The following TMPRSS11D variants were observed in gnomAD, a reference collection of about 807,000 sequenced individuals.
TMPRSS11D encodes the protein transmembrane protease serine 11D.
A neutral mutation model predicts 44.4 loss-of-function variants in TMPRSS11D; 32 were observed. The ratio of observed to expected loss-of-function variants is 0.72; its 90% CI spans 0.54 to 0.97. The LOEUF is 0.97. Ranked by LOEUF, TMPRSS11D falls within the 50% of genes least tolerant of loss-of-function variation. The probability of loss-of-function intolerance (pLI) is 0.00; values close to 1 mark genes in which losing one functional copy is unlikely to be tolerated. For missense variants in TMPRSS11D, 446 were observed against 502.6 expected (o/e 0.89, Z 1.08); for synonymous variants, 179 against 177.9 (o/e 1.01, Z -0.05).
intron 5 of TMPRSS11D, among the ~76,000 whole-genome samples, chr4:67,837,598 C>T (rs1718123321): frequency 6.6e-6 from 1 of 152,008 alleles, no homozygotes; most frequent in East Asian, 1.9e-4. Flanking sequence ...AAATTCTATG[C>T]ATATATTATT....
intron 9 of TMPRSS11D, 91 bp downstream of exon 9, chr4:67,825,641 T>C: frequency 7.1e-7 from 1 of 1,402,798 alleles, no homozygotes; most frequent in Non-Finnish European, 9.6e-7. Flanking sequence ...GTATTGTAAC[T>C]GTTACACTTA....
intron 1 of TMPRSS11D, among the ~76,000 whole-genome samples, chr4:67,879,672 T>C (rs948136963): frequency 1.3e-5 from 2 of 152,116 alleles, no homozygotes; most frequent in Non-Finnish European, 2.9e-5. Context: ...CACTGAGATC[T>C]GACCACTGGA....
chr4:67,879,859 G>A lies in TMPRSS11D; in HGVS notation c.8+4067C>T, dbSNP rs377045979. ...CTTGCATGTTTGTACCATTGGACCC[G>A]TGTAAGACTATTCAGTGCTACATTA... On this transcript the variant is annotated intron_variant, in intron 1 of 9. Transcript: ENST00000283916. 4.6e-5 allele frequency among the ~76,000 whole-genome samples: 7 copies of A among 152,250 alleles called. No homozygotes were observed. The South Asian group carries it at 1.5e-3, about 32-fold the overall frequency.
At chr4:67,853,544 C>G (rs1718558461) in intron 3 of TMPRSS11D, among the ~76,000 whole-genome samples, 1 of 152,148 alleles carries the variant, frequency 6.6e-6, no homozygotes. Flanking sequence ...TAAGGGTCCA[C>G]TCGTGAGGTT....
intron 3 of TMPRSS11D, among the ~76,000 whole-genome samples, chr4:67,853,204 G>A (rs1718549690): frequency 6.6e-6 from 1 of 152,162 alleles, no homozygotes; most frequent in Admixed American, 6.5e-5. Context: ...AGAGATTTGT[G>A]TTCAGAAGTG....
chr4:67,873,597 A>C (rs761082046), intron 1 of TMPRSS11D, among the ~76,000 whole-genome samples: 39 of 152,170 alleles, frequency 2.6e-4, no homozygotes, highest in Non-Finnish European at 4.7e-4. Context: ...TATTGGGTGA[A>C]ATAAGTTGTT....
At chr4:67,857,018 C>A (rs1718654009) in intron 2 of TMPRSS11D, among the ~76,000 whole-genome samples, 1 of 151,950 alleles carries the variant, frequency 6.6e-6, no homozygotes, top group Admixed American at 6.6e-5. Flanking sequence ...GAAGAGAATT[C>A]TTATACACTG....
intron 7 of TMPRSS11D, 73 bp from the exon 8 acceptor site, chr4:67,827,593 C>T: frequency 7.0e-7 from 1 of 1,431,822 alleles, no homozygotes; most frequent in East Asian, 2.4e-5. Flanking sequence ...TTCATCTTAG[C>T]CATCCTGTAC....
intron 1 of TMPRSS11D, among the ~76,000 whole-genome samples, chr4:67,861,682 C>G (rs1328403590): frequency 6.6e-6 from 1 of 152,024 alleles, no homozygotes. Flanking sequence ...AACATTACAG[C>G]CAATTTTGCT....
At chr4:67,835,654 A>T (rs998262144) in intron 5 of TMPRSS11D, among the ~76,000 whole-genome samples, 3 of 152,190 alleles carry the variant, frequency 2.0e-5, no homozygotes, top group African/African-American at 7.2e-5. Context: ...AGTGCAAAGT[A>T]GAGAAAAGAA....
chr4:67,862,838 A>G (rs1034975102), intron 1 of TMPRSS11D, among the ~76,000 whole-genome samples: 2 of 151,938 alleles, frequency 1.3e-5, no homozygotes, highest in African/African-American at 2.4e-5. Flanking sequence ...GTTCTCGCTC[A>G]TAGGTGGGAA....
At position 67,838,192 on chromosome 4, in the gene TMPRSS11D, T is replaced by A. The variant is rs1402546850; in HGVS notation, c.455A>T (p.Asn152Ile). 7.6e-6 allele frequency: 12 copies of A among 1,574,470 alleles called. No homozygotes were observed. Among genetic ancestry groups the A allele is most frequent in the Non-Finnish European group, 9.5e-6 (11 of 1,163,494 alleles). The change falls in exon 5 of 10, where the codon AAC becomes ATC. Residue 152 changes from asparagine to isoleucine, a missense_variant. Asn to Ile is a moderately radical substitution (Grantham distance 149). Coordinates refer to ENST00000283916, the MANE Select transcript of TMPRSS11D (RefSeq NM_004262.3). ...CTTACATGTTATCTCAGTTGAAGGG[T>A]TTATTTCCAGGTTTCCAGAGTTATT... ...MLNNSGNLEI[N>I]PSTEITSLTD...
intron 3 of TMPRSS11D, among the ~76,000 whole-genome samples, chr4:67,849,869 T>C (rs1051882152): frequency 6.6e-5 from 10 of 152,204 alleles, no homozygotes; most frequent in African/African-American, 2.4e-4. Context: ...TATACCACTT[T>C]CCAGCTCAAT....
intron 1 of TMPRSS11D, among the ~76,000 whole-genome samples, chr4:67,868,644 A>C (rs1053251849): frequency 7.2e-5 from 11 of 152,202 alleles, no homozygotes; most frequent in Admixed American, 7.2e-4. Context: ...GATGGAAAAT[A>C]ATCTAGAAAA....
At chr4:67,833,974 G>A (rs1478062532) in intron 6 of TMPRSS11D, among the ~76,000 whole-genome samples, 2 of 152,138 alleles carry the variant, frequency 1.3e-5, no homozygotes, top group Admixed American at 1.3e-4. Context: ...TACCAAACAT[G>A]CCCTCATAAA....
At chr4:67,877,979 G>T (rs181923892) in intron 1 of TMPRSS11D, among the ~76,000 whole-genome samples, 229 of 152,214 alleles carry the variant, frequency 1.5e-3, no homozygotes, top group African/African-American at 5.1e-3. Flanking sequence ...TGCACATTCT[G>T]CACATGTACC....
At chr4:67,852,712 G>A (rs1224017743) in intron 3 of TMPRSS11D, among the ~76,000 whole-genome samples, 1 of 152,152 alleles carries the variant, frequency 6.6e-6, no homozygotes, top group Admixed American at 6.5e-5. Flanking sequence ...GAGACTCTTG[G>A]ACAGGAACCA....
chr4:67,827,608 A>T, intron 7 of TMPRSS11D, 88 bp from the exon 8 acceptor site: 3 of 1,363,278 alleles, frequency 2.2e-6, no homozygotes, highest in Non-Finnish European at 2.9e-6. Context: ...CTGTACCACT[A>T]TCTAGAAACT....
intron 1 of TMPRSS11D, among the ~76,000 whole-genome samples, chr4:67,860,886 TCA>T (rs1327748778): frequency 6.6e-6 from 1 of 152,134 alleles, no homozygotes; most frequent in African/African-American, 2.4e-5. Flanking sequence ...TCTACTCAAC[TCA>T]CAAGCCTATA....
Sources: gnomAD v4.1 joint callset for allele counts (sites outside exome capture counted in the v4.1 genomes callset) on GRCh38, gnomAD v4.1.1 for gene constraint, MANE v1.5 for transcripts, NCBI Gene and HGNC (gene_info 2026-07-23, HGNC 2026-07-21) for gene names.